ITGB5: variants seen among roughly 807,000 people sequenced by gnomAD.
ITGB5 encodes integrin subunit beta 5.
A neutral mutation model predicts 84.8 loss-of-function variants in ITGB5; 38 were observed. The ratio of observed to expected loss-of-function variants is 0.45; its 90% CI spans 0.35 to 0.59. The LOEUF (loss-of-function observed/expected upper bound fraction) is 0.59, where lower values mean the gene tolerates loss of function less well. ITGB5 is among the 20% of genes least tolerant of loss of function. The pLI is 0.01. For synonymous variants in ITGB5, 393 were observed against 414.4 expected, an observed-to-expected ratio of 0.95 and a Z score of 0.63; for missense variants, 905 against 1,034.5, an observed-to-expected ratio of 0.87 and a Z score of 1.72.
intron 1 of ITGB5, among the ~76,000 whole-genome samples, chr3:124,879,695 G>C (rs1183402148): frequency 4.6e-5 from 7 of 152,168 alleles, no homozygotes; most frequent in Admixed American, 6.5e-5. Context: ...CATGCTCTCT[G>C]TATTGACAGG....
chr3:124,820,822 T>C (rs1162369235), intron 6 of ITGB5, among the ~76,000 whole-genome samples: 1 of 152,090 alleles, frequency 6.6e-6, no homozygotes, highest in Non-Finnish European at 1.5e-5. Context: ...CTGTTGGGAG[T>C]AGATGGTCCT....
chr3:124,800,489 C>T lies in ITGB5; in HGVS notation c.1264-3672G>A, dbSNP rs565478632. Among the ~76,000 whole-genome samples, 13 of 152,332 alleles carry T rather than the reference C, an allele frequency of 8.5e-5. No individual in the cohort carries two copies. In the South Asian group the frequency reaches 2.7e-3, roughly 32 times the overall value. The stretch of plus-strand genomic sequence containing the variant: ...TAGAAACACTTGGGCACTGTCTGCC[C>T]AGCTGGGCAAGCAAGGAGGGCCCAG... On this transcript the variant is annotated intron_variant, in intron 9 of 14. Transcript: ENST00000296181.
intron 9 of ITGB5, among the ~76,000 whole-genome samples, chr3:124,803,325 C>A (rs1397714297): frequency 1.3e-5 from 2 of 152,114 alleles, no homozygotes; most frequent in Admixed American, 1.3e-4. Flanking sequence ...CAACTTGGCT[C>A]CCGATGCTTG....
At chr3:124,890,638 C>T (rs562458360), upstream of ITGB5, among the ~76,000 whole-genome samples, 5 of 152,294 alleles carry the variant, frequency 3.3e-5, no homozygotes, top group African/African-American at 9.6e-5. Flanking sequence ...CAGTCCGTCA[C>T]TTACCTAAAC....
chr3:124,846,767 C>T (rs1211578350), intron 4 of ITGB5, among the ~76,000 whole-genome samples: 1 of 152,114 alleles, frequency 6.6e-6, no homozygotes, highest in Non-Finnish European at 1.5e-5. Flanking sequence ...AACCCCATCT[C>T]TACTAAAAAT....
intron 5 of ITGB5, among the ~76,000 whole-genome samples, chr3:124,830,581 G>A (rs186510864): frequency 6.6e-6 from 1 of 152,320 alleles, no homozygotes; most frequent in African/African-American, 2.4e-5. Context: ...AGAGGTTCTT[G>A]TACAGCCTCC....
chr3:124,795,126 C>T (rs937566977), intron 10 of ITGB5, among the ~76,000 whole-genome samples: 1 of 152,026 alleles, frequency 6.6e-6, no homozygotes, highest in Non-Finnish European at 1.5e-5. Context: ...CAGGTTGTCA[C>T]GTGGAAGGGG....
chr3:124,868,027 C>A (rs1357228963), intron 2 of ITGB5, among the ~76,000 whole-genome samples: 1 of 152,098 alleles, frequency 6.6e-6, no homozygotes, highest in Non-Finnish European at 1.5e-5. Context: ...AGTGAGTTCT[C>A]CTGAGATCTG....
At chr3:124,879,410 C>G (rs1231869297) in intron 1 of ITGB5, among the ~76,000 whole-genome samples, 1 of 152,222 alleles carries the variant, frequency 6.6e-6, no homozygotes, top group Non-Finnish European at 1.5e-5. Flanking sequence ...TGCTTCTCCC[C>G]ACACCCTGAA....
At chr3:124,772,475 AT>A (rs975843647) in intron 11 of ITGB5, among the ~76,000 whole-genome samples, 2 of 152,214 alleles carry the variant, frequency 1.3e-5, no homozygotes, top group Non-Finnish European at 2.9e-5. Flanking sequence ...CGAGCCAGAC[AT>A]TTGGAAGGGA....
intron 1 of ITGB5, among the ~76,000 whole-genome samples, chr3:124,900,831 C>A (rs1935201740): frequency 6.6e-6 from 1 of 152,112 alleles, no homozygotes; most frequent in Non-Finnish European, 1.5e-5. Flanking sequence ...TTTGTACAAT[C>A]ACCGCTAAAT....
intron 11 of ITGB5, among the ~76,000 whole-genome samples, chr3:124,773,270 G>A (rs1056029475): frequency 1.3e-5 from 2 of 152,152 alleles, no homozygotes; most frequent in Non-Finnish European, 2.9e-5. Context: ...GTGAAACACT[G>A]TTTGGGAGAT....
intron 9 of ITGB5, among the ~76,000 whole-genome samples, chr3:124,804,663 T>C (rs2064367209): frequency 2.0e-5 from 3 of 151,220 alleles, no homozygotes; most frequent in South Asian, 2.1e-4. Flanking sequence ...TATTCACTTA[T>C]CTTTTTTGTT....
chr3:124,784,925 C>A (rs1376690336), intron 10 of ITGB5, among the ~76,000 whole-genome samples: 1 of 152,240 alleles, frequency 6.6e-6, no homozygotes. Context: ...CCATATTCCA[C>A]CCCAGGCTGG....
chr3:124,889,201 A>G (rs143667789), upstream of ITGB5, among the ~76,000 whole-genome samples: 213 of 152,348 alleles, frequency 1.4e-3, 2 homozygotes, highest in South Asian at 8.3e-3. Flanking sequence ...CTCACCTGAG[A>G]CAAATGAATA....
rs189826536 is a variant in ITGB5, at chr3:124,849,805, C to T, written c.362-1247G>A. On this transcript the variant is annotated intron_variant, in intron 3 of 14. Coordinates refer to ENST00000296181, the MANE Select transcript of ITGB5 (RefSeq NM_002213.5). ...GGCAATAACTGGAAGACCCAGGCCA[C>T]GATAATGATCTTGAAATCATTTCAT... is the stretch of plus-strand genomic sequence containing the variant. 3.9e-5 allele frequency among the ~76,000 whole-genome samples: 5 copies of T among 128,572 alleles called. No individual in the cohort carries two copies. In the East Asian group the frequency reaches 6.4e-4, roughly 16 times the overall value. 84.3% of individuals were successfully genotyped at this position (128,572 alleles called of 152,430 possible). A position where few individuals can be genotyped will look rare whatever the true frequency, so the allele number is the denominator to read the frequency against.
chr3:124,827,817 G>A (rs1290597770), intron 5 of ITGB5, among the ~76,000 whole-genome samples: 1 of 152,152 alleles, frequency 6.6e-6, no homozygotes, highest in Non-Finnish European at 1.5e-5. Flanking sequence ...GCCGGTCCCT[G>A]CCTTAACTGA....
intron 8 of ITGB5, among the ~76,000 whole-genome samples, chr3:124,813,723 T>G (rs1261657413): frequency 6.6e-6 from 1 of 152,208 alleles, no homozygotes; most frequent in Admixed American, 6.5e-5. Flanking sequence ...TCCAGGAACC[T>G]GTCCCACAGC....
At chr3:124,898,517 A>T (rs1485824247) in intron 1 of ITGB5, among the ~76,000 whole-genome samples, 1 of 151,194 alleles carries the variant, frequency 6.6e-6, no homozygotes, top group Non-Finnish European at 1.5e-5. Context: ...GGTGGCAGGC[A>T]CCTGTAGTCC....
Sources: gnomAD v4.1 joint callset for allele counts (sites outside exome capture counted in the v4.1 genomes callset) on GRCh38, gnomAD v4.1.1 for gene constraint, MANE v1.5 for transcripts, NCBI Gene and HGNC (gene_info 2026-07-23, HGNC 2026-07-21) for gene names.